The following C8orf88 variants were observed in gnomAD, a reference collection of about 807,000 sequenced individuals.
C8orf88 encodes chromosome 8 open reading frame 88.
In C8orf88, 14 loss-of-function variants were observed where a neutral mutation model predicts 18.4. The observed-to-expected ratio is 0.76, with a 90% CI of 0.50 to 1.19. The LOEUF (loss-of-function observed/expected upper bound fraction) is 1.19, where lower values mean the gene tolerates loss of function less well. Ranked by LOEUF, C8orf88 falls within the 50% of genes most tolerant of loss-of-function variation. C8orf88 has a pLI of 0.00. For missense variants in C8orf88, 116 were observed against 134.7 expected, an observed-to-expected ratio of 0.86 and a Z score of 0.69; for synonymous variants, 45 against 42.9, an observed-to-expected ratio of 1.05 and a Z score of -0.19.
intron 4 of C8orf88, 138 bp downstream of exon 4, chr8:90,970,928 C>A: frequency 2.0e-6 from 1 of 492,688 alleles, no homozygotes; most frequent in Non-Finnish European, 3.4e-6. Flanking sequence ...GGTAGCCTGA[C>A]TCATATAGAT....
At chr8:90,963,668 A>T (rs543089078) in intron 4 of C8orf88, among the ~76,000 whole-genome samples, 11 of 151,838 alleles carry the variant, frequency 7.2e-5, no homozygotes, top group Admixed American at 7.2e-4. Flanking sequence ...ACAATAACGG[A>T]AATGACAAAT....
chr8:90,980,329 T>A (rs755885671), intron 2 of C8orf88, 34 bp downstream of exon 2: 146 of 1,346,494 alleles, frequency 1.1e-4, no homozygotes, highest in Non-Finnish European at 1.4e-4. Flanking sequence ...ATTAACACAT[T>A]AATATTTAAA....
At chr8:90,960,970 G>C (rs1054852815) in intron 4 of C8orf88, 122 bp from the exon 5 acceptor site, 2 of 437,852 alleles carry the variant, frequency 4.6e-6, no homozygotes, top group African/African-American at 4.1e-5. Flanking sequence ...GTGTGTCTAT[G>C]CAAAAGAGAA....
intron 4 of C8orf88, among the ~76,000 whole-genome samples, chr8:90,969,822 C>G (rs903690741): frequency 4.0e-5 from 6 of 151,392 alleles, no homozygotes; most frequent in African/African-American, 1.2e-4. Flanking sequence ...AAAAAAGAAA[C>G]CAAAGGATTA....
At chr8:90,982,795 A>C (rs1811452314) in intron 1 of C8orf88, among the ~76,000 whole-genome samples, 1 of 152,116 alleles carries the variant, frequency 6.6e-6, no homozygotes, top group African/African-American at 2.4e-5. Flanking sequence ...GCCTGCAGGG[A>C]AACACTGACA....
intron 3 of C8orf88, among the ~76,000 whole-genome samples, chr8:90,971,672 G>A (rs116324250): frequency 1.1e-3 from 169 of 152,100 alleles, no homozygotes; most frequent in Middle Eastern, 6.8e-3. Flanking sequence ...AGAGCTCTAT[G>A]TCTTGAAGAG....
intron 1 of C8orf88, among the ~76,000 whole-genome samples, chr8:90,984,447 A>G (rs947742688): frequency 5.9e-5 from 9 of 152,206 alleles, no homozygotes; most frequent in African/African-American, 2.2e-4. Flanking sequence ...GGTGAAAGAC[A>G]TTTCACGTTC....
At chr8:90,960,174 G>A (rs1283288983) in intron 5 of C8orf88, among the ~76,000 whole-genome samples, 1 of 151,344 alleles carries the variant, frequency 6.6e-6, no homozygotes, top group East Asian at 1.9e-4. Flanking sequence ...TTTATTATGT[G>A]TATTTATTTA....
At chr8:90,977,012 C>T (rs1049309696) in intron 3 of C8orf88, among the ~76,000 whole-genome samples, 4 of 151,880 alleles carry the variant, frequency 2.6e-5, no homozygotes, top group Non-Finnish European at 4.4e-5. Flanking sequence ...AGACCATATT[C>T]CTGGAAAAGA....
intron 4 of C8orf88, among the ~76,000 whole-genome samples, chr8:90,969,554 A>G (rs993729765): frequency 2.0e-5 from 3 of 152,054 alleles, no homozygotes; most frequent in Admixed American, 6.6e-5. Context: ...GACATATTGT[A>G]TAATTCCATT....
intron 3 of C8orf88, among the ~76,000 whole-genome samples, chr8:90,977,332 G>C (rs1811365905): frequency 6.6e-6 from 1 of 152,156 alleles, no homozygotes; most frequent in South Asian, 2.1e-4. Flanking sequence ...AAATCGCTTT[G>C]AAGAGTAATT....
At chr8:90,982,448 G>A (rs1811447605) in intron 1 of C8orf88, among the ~76,000 whole-genome samples, 1 of 152,066 alleles carries the variant, frequency 6.6e-6, no homozygotes, top group African/African-American at 2.4e-5. Context: ...AATACAATAG[G>A]ATAGAGTACT....
chr8:90,979,811 A>T (rs1362176246), intron 2 of C8orf88, among the ~76,000 whole-genome samples: 1 of 152,212 alleles, frequency 6.6e-6, no homozygotes, highest in Non-Finnish European at 1.5e-5. Flanking sequence ...TTTCTCCAAA[A>T]GAATAGCTTC....
Position 90,958,972 on chromosome 8 carries a change from G to A in C8orf88, c.*35C>T, listed in dbSNP as rs1811083316. On this transcript the variant is annotated 3_prime_UTR_variant, in exon 6 of 6. Transcript: ENST00000517562. ...TGTTGCTAGATCCACCTCATTTGCA[G>A]ATGTCCAAACTTAAATTCATCTGTT... 1 of 1,355,998 alleles carries A rather than the reference G, an allele frequency of 7.4e-7. No homozygotes were observed. Among genetic ancestry groups the A allele is most frequent in the South Asian group, 1.4e-5 (1 of 73,290 alleles). The allele number at this position is 1,355,998 out of a possible 1,614,324, so 84.0% of individuals were successfully genotyped here.
At chr8:90,961,205 A>T (rs1366637427) in intron 4 of C8orf88, among the ~76,000 whole-genome samples, 1 of 151,438 alleles carries the variant, frequency 6.6e-6, no homozygotes, top group East Asian at 1.9e-4. Context: ...TACTTTAATG[A>T]GTCTATCAAG....
intron 4 of C8orf88, among the ~76,000 whole-genome samples, chr8:90,970,152 G>C (rs974969530): frequency 5.9e-5 from 9 of 152,056 alleles, no homozygotes; most frequent in Non-Finnish European, 1.3e-4. Flanking sequence ...ATTTTACACA[G>C]TCATAGTAGT....
At chr8:90,961,940 G>T (rs953471177) in intron 4 of C8orf88, among the ~76,000 whole-genome samples, 12 of 151,460 alleles carry the variant, frequency 7.9e-5, no homozygotes, top group Non-Finnish European at 1.3e-4. Context: ...TATGCTGTCT[G>T]CAAGAGACAC....
At chr8:90,972,544 G>A (rs1156249541) in intron 3 of C8orf88, among the ~76,000 whole-genome samples, 3 of 151,896 alleles carry the variant, frequency 2.0e-5, no homozygotes, top group Admixed American at 6.6e-5. Context: ...TGTCATGTCT[G>A]TACATATTAA....
chr8:90,969,598 GAC>G (rs779440269), intron 4 of C8orf88, among the ~76,000 whole-genome samples: 2 of 151,788 alleles, frequency 1.3e-5, no homozygotes, highest in Non-Finnish European at 2.9e-5. Flanking sequence ...AATCCAAAGA[GAC>G]AGAAATAGCT....
Sources: allele counts gnomAD v4.1 joint callset (sites outside exome capture counted in the v4.1 genomes callset), GRCh38; gene constraint gnomAD v4.1.1; transcripts MANE v1.5; gene names NCBI Gene and HGNC (gene_info 2026-07-23, HGNC 2026-07-21).